Variants in SELP observed in about 807,000 individuals in gnomAD.
The protein encoded by SELP is selectin P.
In SELP, 92 loss-of-function variants were observed where a neutral mutation model predicts 104.1. The ratio of observed to expected loss-of-function variants is 0.88; its 90% confidence interval spans 0.75 to 1.05. The LOEUF (loss-of-function observed/expected upper bound fraction) is 1.05, where lower values mean the gene tolerates loss of function less well. Among genes scored for constraint, SELP ranks in the 50% least tolerant of loss-of-function variants. SELP has a pLI of 0.00. For synonymous variants in SELP, 397 were observed against 364.5 expected (o/e 1.09, Z -1.01); for missense variants, 1,022 against 1,017.3 (o/e 1.00, Z -0.06).
At position 169,626,856 on chromosome 1, in the gene SELP, G is replaced by A. The variant is rs929531477; in HGVS notation, c.3+3216C>T. Among the ~76,000 whole-genome samples the A allele has an allele frequency of 4.6e-5, 7 of 152,066 alleles. 1 individual carries two copies. Among genetic ancestry groups the A allele is most frequent in the African/African-American group, 9.7e-5 (4 of 41,420 alleles). On this transcript the variant is annotated intron_variant, in intron 1 of 16. Transcript: ENST00000263686. ...ACTACAGGCATGCATCACCACACCCGGCTAATTTTTTGTAGAGATAAGTTC... is the reference window on the plus strand; with the variant it reads ...ACTACAGGCATGCATCACCACACCCAGCTAATTTTTTGTAGAGATAAGTTC...
At chr1:169,590,983 CA>C (rs1406987325) in intron 15 of SELP, among the ~76,000 whole-genome samples, 3 of 152,102 alleles carry the variant, frequency 2.0e-5, no homozygotes, top group African/African-American at 7.2e-5. Context: ...CCATATGAAT[CA>C]AAGGACAATT....
Position 169,630,068 on chromosome 1 carries a change from T to C in SELP, c.3+4A>G, listed in dbSNP as rs1420609840. On this transcript the variant is annotated splice_donor_region_variant and intron_variant, in intron 1 of 16. Transcript: ENST00000263686. ...ACTTCCCATGCAGAAAAAAATAAACTCACCATCTCCTCTGTGACTCTGCTG... is the reference window on the plus strand; with the variant it reads ...ACTTCCCATGCAGAAAAAAATAAACCCACCATCTCCTCTGTGACTCTGCTG... 1.2e-6 allele frequency: 2 copies of C among 1,614,086 alleles called. No individual in the cohort carries two copies. Among genetic ancestry groups the C allele is most frequent in the South Asian group, 2.2e-5 (2 of 91,084 alleles).
In SELP at chr1:169,594,750, A is replaced by G. The variant is rs1661513750; in HGVS notation, c.2229T>C (p.Ser743=). ...CATTCTCTTGGCATGCTGTTTGTGC[A>G]GAGCCATTAAGTAACTGGCCCTCTA... The part of the protein sequence containing the change: ...HCLEGQLLNG[S]AQTACQENGH... The change falls in exon 13 of 17, where the codon TCT becomes TCC. Residue 743 remains serine, a synonymous_variant. Coordinates refer to ENST00000263686, the MANE Select transcript of SELP (RefSeq NM_003005.4). The G allele has an allele frequency of 1.9e-6, 3 of 1,613,886 alleles. No homozygotes were observed. The highest frequency in any genetic ancestry group is 2.5e-6 in the Non-Finnish European group (3 of 1,179,830).
chr1:169,607,144 G>A lies in SELP; in HGVS notation c.1334-10C>T, dbSNP rs2101894119. ...TCCTGGCACTGCAAAGCTAAGGGAT[G>A]AGGAAGTAAGGAATAAAGAAACAGT... On this transcript the variant is annotated splice_polypyrimidine_tract_variant and intron_variant, in intron 8 of 16. Transcript: ENST00000263686. 1 of 1,583,238 alleles carries A rather than the reference G, an allele frequency of 6.3e-7. No homozygotes were observed. The highest frequency in any genetic ancestry group is 8.6e-7 in the Non-Finnish European group (1 of 1,158,368).
rs772059312 is a variant in SELP, at chr1:169,597,061, C to G, written c.1821G>C (p.Lys607Asn). The G allele has an allele frequency of 2.5e-6, 4 of 1,613,434 alleles. No homozygotes were observed. The highest frequency in any genetic ancestry group is 3.3e-5 in the Admixed American group (2 of 59,962). ...ATTCCACATTATTGGGCCCCTCCAGCTTAAAGCCGTTGTCACAAGAGAAAT... is the reference window on the plus strand; with the variant it reads ...ATTCCACATTATTGGGCCCCTCCAGGTTAAAGCCGTTGTCACAAGAGAAAT... Reference protein sequence around the residue: ...TCHFSCDNGFKLEGPNNVECT... With the variant: ...TCHFSCDNGFNLEGPNNVECT... Residue 607 changes from lysine to asparagine, a missense_variant, in exon 11 of 17, where the codon AAG (lysine) becomes AAC (asparagine). Physicochemically the swap from Lys to Asn is moderately conservative, Grantham distance 94 (BLOSUM62 0). Coordinates refer to ENST00000263686, the MANE Select transcript of SELP (RefSeq NM_003005.4).
At chr1:169,599,791 G>A (rs1380237118) in intron 10 of SELP, among the ~76,000 whole-genome samples, 2 of 152,064 alleles carry the variant, frequency 1.3e-5, no homozygotes, top group African/African-American at 2.4e-5. Context: ...AGAGTTTTAG[G>A]GGGCACCAGT....
rs759169239 is a variant in SELP, at chr1:169,594,723, G to A, written c.2256C>T (p.Gly752=). The A allele has an allele frequency of 6.2e-7, 1 of 1,613,652 alleles. No homozygotes were observed. Among genetic ancestry groups the A allele is most frequent in the South Asian group, 1.1e-5 (1 of 91,038 alleles). The change falls in exon 13 of 17, where the codon GGC becomes GGT. Residue 752 remains glycine (G), a synonymous_variant. Transcript: ENST00000263686. ...AGGTTGGCACGGTAGTTGACCAGTG[G>A]CCATTCTCTTGGCATGCTGTTTGTG... The part of the protein sequence containing the change: ...GSAQTACQEN[G]HWSTTVPTCQ...
chr1:169,591,056 T>C (rs1661333495), intron 15 of SELP, among the ~76,000 whole-genome samples: 1 of 152,188 alleles, frequency 6.6e-6, no homozygotes, highest in South Asian at 2.1e-4. Flanking sequence ...AGGCTGGTGT[T>C]GGCCACAGTT....
intron 6 of SELP, 102 bp downstream of exon 6, chr1:169,612,115 G>T: frequency 1.7e-6 from 2 of 1,189,688 alleles, no homozygotes; most frequent in Non-Finnish European, 2.4e-6. Flanking sequence ...TTAAATTTTG[G>T]CAATTCAGGC....
chr1:169,606,868 T>C lies in SELP; in HGVS notation c.1519+81A>G, dbSNP rs140420873. On this transcript the variant is annotated intron_variant, in intron 9 of 16. Transcript: ENST00000263686. ...AGTCCATTTCAAGGTGGATCTTACA[T>C]AGTTGTCACCTCTAAAATCCAGCCT... The C allele has an allele frequency of 1.8e-4, 221 of 1,257,580 alleles. No individual in the cohort carries two copies. In the African/African-American group the frequency reaches 2.5e-3, roughly 14 times the overall value. The allele number at this position is 1,257,580 out of a possible 1,614,324, so 77.9% of individuals were successfully genotyped here.
rs752835679 is a variant in SELP, at chr1:169,613,091, GCTCAAGTT to G, written c.605_612del (p.Glu202AlafsTer19). On this transcript the variant is annotated frameshift_variant, in exon 5 of 17. Coordinates refer to ENST00000263686, the MANE Select transcript of SELP (RefSeq NM_003005.4). LOFTEE classifies it high-confidence loss of function. Reference sequence around the variant, plus strand: ...CAGTTCATGAGCACGTGTTGAGGGAGCTCAAGTTCTCCACACTCTCTCACTGCAGGAGA... The same window carrying G: ...CAGTTCATGAGCACGTGTTGAGGGAGCTCCACACTCTCTCACTGCAGGAGA... 6.2e-7 allele frequency: 1 copy of G among 1,606,764 alleles called. No individual in the cohort carries two copies. Among genetic ancestry groups the G allele is most frequent in the Non-Finnish European group, 8.5e-7 (1 of 1,176,250 alleles).
intron 1 of SELP, among the ~76,000 whole-genome samples, chr1:169,622,056 C>T (rs1178696345): frequency 6.6e-6 from 1 of 152,194 alleles, no homozygotes; most frequent in Non-Finnish European, 1.5e-5. Context: ...AACAATCTGC[C>T]TAAAATACAC....
At chr1:169,600,775 C>A (rs1461624830) in intron 10 of SELP, among the ~76,000 whole-genome samples, 3 of 152,140 alleles carry the variant, frequency 2.0e-5, no homozygotes. Flanking sequence ...ATAAGAGGAA[C>A]CATTTGCCTA....
At chr1:169,608,171 A>AT (rs1425454811) in intron 8 of SELP, among the ~76,000 whole-genome samples, 2 of 142,612 alleles carry the variant, frequency 1.4e-5, no homozygotes, top group African/African-American at 5.2e-5. Flanking sequence ...TTGCTGTTCA[A>AT]TTTTTTATTA....
intron 1 of SELP, among the ~76,000 whole-genome samples, chr1:169,620,144 G>A (rs1663021888): frequency 1.3e-5 from 2 of 152,084 alleles, no homozygotes; most frequent in South Asian, 4.2e-4. Context: ...GGAGGCGGAG[G>A]TTGCAGTGAG....
chr1:169,609,227 A>G (rs954906165), intron 8 of SELP, among the ~76,000 whole-genome samples: 2 of 152,058 alleles, frequency 1.3e-5, no homozygotes, highest in African/African-American at 2.4e-5. Context: ...TTCCTCATGC[A>G]TGATTTATTC....
At position 169,613,474 on chromosome 1, in the gene SELP, G is replaced by T. The variant is rs188836194; in HGVS notation, c.589+112C>A. 39 of 778,488 alleles carry T rather than the reference G, an allele frequency of 5.0e-5. No homozygotes were observed. In the East Asian group the frequency reaches 8.8e-4, roughly 18 times the overall value. The allele number at this position is 778,488 out of a possible 1,614,324, so 48.2% of individuals were successfully genotyped here. A position where few individuals can be genotyped will look rare whatever the true frequency, so the allele number is the denominator to read the frequency against. On this transcript the variant is annotated intron_variant, in intron 4 of 16. Transcript: ENST00000263686. ...TGAGTGGAGGAGACAGATGATAGAG[G>T]GGGGCTGGTACCATCCTATTCTCAC...
intron 1 of SELP, among the ~76,000 whole-genome samples, chr1:169,620,947 TTC>T (rs1553232438): frequency 1.3e-4 from 9 of 71,462 alleles, no homozygotes; most frequent in Non-Finnish European, 2.0e-4. Flanking sequence ...CAGTGTGGGG[TTC>T]TGTGTGTGTG....
chr1:169,594,472 C>T (rs3917829), intron 13 of SELP, among the ~76,000 whole-genome samples: 1,669 of 152,220 alleles, frequency 0.011, 33 homozygotes, highest in African/African-American at 0.039. Context: ...ACAAACTGAA[C>T]ACTGAAGAGG....
Sources: gnomAD v4.1 joint callset for allele counts (sites outside exome capture counted in the v4.1 genomes callset) on GRCh38, gnomAD v4.1.1 for gene constraint, MANE v1.5 for transcripts, NCBI Gene and HGNC (gene_info 2026-07-23, HGNC 2026-07-21) for gene names.